The following ATP11A variants were observed in gnomAD, a reference collection of about 807,000 sequenced individuals.
ATP11A encodes phospholipid-transporting ATPase IH.
Under a neutral mutation model 154.4 loss-of-function variants are expected in ATP11A, and 81 were observed. The observed-to-expected ratio is 0.52, with a 90% confidence interval of 0.44 to 0.63. The LOEUF (loss-of-function observed/expected upper bound fraction) is 0.63, where lower values mean the gene tolerates loss of function less well. Among genes scored for constraint, ATP11A ranks in the 30% least tolerant of loss-of-function variants. ATP11A has a pLI of 0.00. For synonymous variants in ATP11A, 623 were observed against 585.9 expected (o/e 1.06, Z -0.91); for missense variants, 1,316 against 1,474.3 (o/e 0.89, Z 1.76).
Position 112,868,981 on chromosome 13 carries a change from C to T in ATP11A, c.2992-2754C>T, listed in dbSNP as rs552638053. 2.5e-4 allele frequency among the ~76,000 whole-genome samples: 38 copies of T among 152,094 alleles called. 1 individual carries two copies. In the South Asian group the frequency reaches 7.7e-3, roughly 31 times the overall value. On this transcript the variant is annotated intron_variant, in intron 25 of 29. Coordinates refer to ENST00000375645, the MANE Select transcript of ATP11A (RefSeq NM_015205.3). ...CCAGATCTCATGAGAACTCACTCGC[C>T]CACCGTCAACGAGATCTGCAAGGAG...
At chr13:112,714,645 C>T (rs1188479421) in intron 1 of ATP11A, among the ~76,000 whole-genome samples, 5 of 152,194 alleles carry the variant, frequency 3.3e-5, no homozygotes, top group Non-Finnish European at 7.3e-5. Flanking sequence ...GTTATGGAGA[C>T]GCAAGAGAAT....
Position 112,875,059 on chromosome 13 carries a change from G to T in ATP11A, c.3162-717G>T, listed in dbSNP as rs181379354. Among the ~76,000 whole-genome samples the T allele has an allele frequency of 6.6e-6, 1 of 152,152 alleles. No individual in the cohort carries two copies. Among genetic ancestry groups the T allele is most frequent in the East Asian group, 1.9e-4 (1 of 5,174 alleles). Reference sequence around the variant, plus strand: ...TCCTCCTGCCCGCCACCAGCACCACGTGGGTGCCCCCAGCCCCATCCCAGG... The same window carrying T: ...TCCTCCTGCCCGCCACCAGCACCACTTGGGTGCCCCCAGCCCCATCCCAGG... On this transcript the variant is annotated intron_variant, in intron 27 of 29. Transcript: ENST00000375645. This position sits in a 1 kb window ranked among gnomAD's most constrained non-coding sequence, Gnocchi z 4.1.
chr13:112,707,937 A>G (rs1218909857), intron 1 of ATP11A, among the ~76,000 whole-genome samples: 1 of 152,220 alleles, frequency 6.6e-6, no homozygotes, highest in African/African-American at 2.4e-5. Context: ...CATCTTGAGA[A>G]GTATGCTCAG....
chr13:112,728,153 G>A, intron 1 of ATP11A, among the ~76,000 whole-genome samples: 1 of 152,236 alleles, frequency 6.6e-6, no homozygotes, highest in Non-Finnish European at 1.5e-5. Context: ...ATGAGTGAGT[G>A]TGGCTGGTGC....
At position 112,807,018 on chromosome 13, in the gene ATP11A, G is replaced by C. The variant is rs756603765; in HGVS notation, c.333+725G>C. On this transcript the variant is annotated intron_variant, in intron 4 of 29. Transcript: ENST00000375645. The surrounding 1 kb of genome is among the most constrained non-coding windows in gnomAD (Gnocchi z 4.5). ...GTCCCCTGCACATACCTGGCATTTT[G>C]TGTATCACGCGTCCTCTGTGGATGG... Among the ~76,000 whole-genome samples, 3 of 152,240 alleles carry C rather than the reference G, an allele frequency of 2.0e-5. No homozygotes were observed. Among genetic ancestry groups the C allele is most frequent in the Non-Finnish European group, 4.4e-5 (3 of 68,044 alleles).
rs1324333984 is a variant in ATP11A at position 112,754,574 on chromosome 13, C to G, written c.40-30561C>G. On this transcript the variant is annotated intron_variant, in intron 1 of 29. Transcript: ENST00000375645. The surrounding 1 kb of genome is among the most constrained non-coding windows in gnomAD (Gnocchi z 5.3). The stretch of plus-strand genomic sequence containing the variant: ...GGCTCCTGTGCTCCACGCTGCCCCC[C>G]CGAGAGGCAGAACTTTCTCAGGCCA... 1.9e-5 allele frequency: 3 copies of G among 157,938 alleles called. No homozygotes were observed. The highest frequency in any genetic ancestry group is 2.8e-5 in the Non-Finnish European group (2 of 71,066). The allele number at this position is 157,938 out of a possible 1,614,324, so 9.8% of individuals were successfully genotyped here.
At chr13:112,858,359 C>G (rs2079996721) in intron 22 of ATP11A, 69 bp downstream of exon 22, 18 of 1,497,988 alleles carry the variant, frequency 1.2e-5, no homozygotes, top group Admixed American at 2.0e-5. Flanking sequence ...CGACCCTTGT[C>G]TGAGCCACTT....
chr13:112,756,218 A>G (rs1468084002), intron 1 of ATP11A, among the ~76,000 whole-genome samples: 1 of 152,262 alleles, frequency 6.6e-6, no homozygotes, highest in Non-Finnish European at 1.5e-5. Flanking sequence ...TTAGTCTGTG[A>G]AACAGGTTAG....
chr13:112,762,107 CG>C (rs1278417127), intron 1 of ATP11A, among the ~76,000 whole-genome samples: 2 of 152,136 alleles, frequency 1.3e-5, no homozygotes, highest in African/African-American at 4.8e-5. Context: ...CATGGAGACT[CG>C]TGCTTATGAG....
intron 5 of ATP11A, among the ~76,000 whole-genome samples, chr13:112,814,059 T>C (rs2078575498): frequency 6.6e-6 from 1 of 152,160 alleles, no homozygotes; most frequent in African/African-American, 2.4e-5. Context: ...TTTTTCTTTT[T>C]TTTAAAATTA....
intron 28 of ATP11A, among the ~76,000 whole-genome samples, chr13:112,877,591 G>T (rs568663608): frequency 4.8e-4 from 73 of 152,194 alleles, no homozygotes; most frequent in Non-Finnish European, 9.1e-4. Flanking sequence ...CCTAGCTGTG[G>T]CCACAGTGGT....
chr13:112,707,031 G>A (rs987384284), intron 1 of ATP11A, among the ~76,000 whole-genome samples: 6 of 152,230 alleles, frequency 3.9e-5, no homozygotes, highest in African/African-American at 9.6e-5. Context: ...GGGTTGTAAA[G>A]CAGTGGAGAC....
intron 24 of ATP11A, among the ~76,000 whole-genome samples, chr13:112,861,390 G>T (rs529258437): frequency 1.4e-4 from 22 of 152,324 alleles, no homozygotes; most frequent in African/African-American, 4.8e-4. Context: ...TCCCTTAGTG[G>T]TGACACGCAA....
chr13:112,738,373 CAAAAA>C (rs36216159), intron 1 of ATP11A, among the ~76,000 whole-genome samples: 35,315 of 151,802 alleles, frequency 0.23, 5,319 homozygotes, highest in African/African-American at 0.43. Context: ...AACACCGTCT[CAAAAA>C]GAAAAGAAAA....
intron 12 of ATP11A, among the ~76,000 whole-genome samples, chr13:112,828,486 G>C (rs1302299324): frequency 6.8e-6 from 1 of 148,056 alleles, no homozygotes; most frequent in Non-Finnish European, 1.5e-5. Context: ...TGTTGAGTAT[G>C]GAGGAAAGTG....
chr13:112,885,771 C>G lies in ATP11A; in HGVS notation c.*3905C>G, dbSNP rs1193309745. 1 of 152,410 alleles carries G rather than the reference C, an allele frequency of 6.6e-6. No homozygotes were observed. The highest frequency in any genetic ancestry group is 6.5e-5 in the Admixed American group (1 of 15,282). The allele number at this position is 152,410 out of a possible 1,614,324, so 9.4% of individuals were successfully genotyped here. A position where few individuals can be genotyped will look rare whatever the true frequency, so the allele number is the denominator to read the frequency against. ...GCTGAGGGGCCCCTGTGAGAGGCCTCTGGATGGGCATGGGAAGATGGGCTC... is the reference window on the plus strand; with the variant it reads ...GCTGAGGGGCCCCTGTGAGAGGCCTGTGGATGGGCATGGGAAGATGGGCTC... On this transcript the variant is annotated 3_prime_UTR_variant, in exon 30 of 30. Coordinates refer to ENST00000375645, the MANE Select transcript of ATP11A (RefSeq NM_015205.3).
At chr13:112,691,943 C>T (rs1202138517) in intron 1 of ATP11A, among the ~76,000 whole-genome samples, 3 of 151,992 alleles carry the variant, frequency 2.0e-5, no homozygotes, top group African/African-American at 7.3e-5. Context: ...CTGATGATTC[C>T]GATGCTAGAT....
chr13:112,741,308 G>C (rs1207405617), intron 1 of ATP11A, among the ~76,000 whole-genome samples: 1 of 151,684 alleles, frequency 6.6e-6, no homozygotes, highest in African/African-American at 2.4e-5. Flanking sequence ...GTAGTCGGGA[G>C]GGTTGGGCAG....
chr13:112,803,738 TC>T (rs1234510466), intron 2 of ATP11A, among the ~76,000 whole-genome samples: 8 of 95,750 alleles, frequency 8.4e-5, no homozygotes, highest in Admixed American at 3.3e-4. Flanking sequence ...CTGACCTCCT[TC>T]CCCTCCTTCT....
Sources: gnomAD v4.1 joint callset for allele counts (sites outside exome capture counted in the v4.1 genomes callset) on GRCh38, gnomAD v4.1.1 for gene constraint, Gnocchi (gnomAD v3.1) non-coding constraint, MANE v1.5 for transcripts, NCBI Gene and HGNC (gene_info 2026-07-23, HGNC 2026-07-21) for gene names.